The following FAM124A variants were observed in gnomAD, a reference collection of about 807,000 sequenced individuals.
FAM124A encodes family with sequence similarity 124 member A, also known as protein FAM124A.
In FAM124A, 23 loss-of-function variants were observed where a neutral mutation model predicts 24.5. The observed-to-expected ratio is 0.94, with a 90% CI of 0.68 to 1.33. The LOEUF is 1.33. FAM124A is among the 40% of genes most tolerant of loss of function. FAM124A has a pLI of 0.00. For missense variants in FAM124A, 623 were observed against 722.8 expected, an observed-to-expected ratio of 0.86 and a Z score of 1.58; for synonymous variants, 287 against 314.7, an observed-to-expected ratio of 0.91 and a Z score of 0.93.
intron 3 of FAM124A, among the ~76,000 whole-genome samples, chr13:51,279,061 C>T (rs1387544139): frequency 1.3e-5 from 2 of 152,114 alleles, no homozygotes; most frequent in East Asian, 1.9e-4. Flanking sequence ...GCATACTTAT[C>T]AAGAAAGAAA....
At chr13:51,262,993 G>A (rs1954752021) in intron 3 of FAM124A, among the ~76,000 whole-genome samples, 1 of 152,230 alleles carries the variant, frequency 6.6e-6, no homozygotes, top group Non-Finnish European at 1.5e-5. Context: ...GGGCTCCTGG[G>A]CCCACTGTAG....
chr13:51,255,768 A>AGCT (rs1319406090), intron 3 of FAM124A, among the ~76,000 whole-genome samples: 1 of 152,176 alleles, frequency 6.6e-6, no homozygotes, highest in Admixed American at 6.5e-5. Flanking sequence ...AGTTCAGAAA[A>AGCT]GCTGCTGCAC....
chr13:51,234,263 A>G (rs897515478), intron 2 of FAM124A, among the ~76,000 whole-genome samples: 6 of 152,290 alleles, frequency 3.9e-5, no homozygotes, highest in Admixed American at 1.3e-4. Context: ...GGGGTAAGCT[A>G]GCAAGAGCAT....
chr13:51,242,315 A>G (rs572276052), intron 2 of FAM124A, among the ~76,000 whole-genome samples: 3 of 152,334 alleles, frequency 2.0e-5, no homozygotes, highest in East Asian at 1.9e-4. Context: ...GTAGAATGCT[A>G]TAGCCTCTTC....
In FAM124A at chr13:51,258,090, T is replaced by C. The variant is rs1168447385; in HGVS notation, c.834+5889T>C. Among the ~76,000 whole-genome samples, 2 of 152,202 alleles carry C rather than the reference T, an allele frequency of 1.3e-5. No homozygotes were observed. The highest frequency in any genetic ancestry group is 2.9e-5 in the Non-Finnish European group (2 of 68,040). ...CTGGCCTTCTTGGCCTTCCTTGGTG[T>C]GTGGAAGCACCAGCTTGGTCTCTGT... On this transcript the variant is annotated intron_variant, in intron 3 of 3. Coordinates refer to ENST00000322475, the MANE Select transcript of FAM124A (RefSeq NM_001242312.2). The surrounding 1 kb of genome is among the most constrained non-coding windows in gnomAD (Gnocchi z 4.2).
chr13:51,251,598 G>A lies in FAM124A; in HGVS notation c.231G>A (p.Pro77=), dbSNP rs61729359. The part of the protein sequence containing the change: ...NVLAWIHPDL[P]LFRVSERRAS... ...TGGCGTGGATCCACCCCGACCTCCC[G>A]CTGTTCCGGGTGTCCGAGAGGCGGG... Residue 77 remains proline (P), a synonymous_variant, in exon 3 of 4, where the codon CCG becomes CCA. Transcript: ENST00000322475. The surrounding 1 kb of genome is among the most constrained non-coding windows in gnomAD (Gnocchi z 5.3). The A allele has an allele frequency of 2.5e-3, 3,990 of 1,569,220 alleles. 73 individuals are homozygous for A. In the African/African-American group the frequency reaches 0.044, roughly 17 times the overall value.
chr13:51,222,594 G>A, intron 1 of FAM124A, 25 bp downstream of exon 1: 1 of 1,219,900 alleles, frequency 8.2e-7, no homozygotes, highest in Non-Finnish European at 1.0e-6. Flanking sequence ...GCCGGGCCGC[G>A]GGCGGGGGGC....
At chr13:51,222,610 C>G in intron 1 of FAM124A, 41 bp downstream of exon 1, 1 of 1,216,538 alleles carries the variant, frequency 8.2e-7, no homozygotes. Flanking sequence ...GGGGCGCTCT[C>G]CGAGTTGCGC....
intron 1 of FAM124A, 149 bp downstream of exon 1, chr13:51,222,718 G>A: frequency 1.2e-6 from 1 of 840,866 alleles, no homozygotes; most frequent in Non-Finnish European, 1.6e-6. Context: ...CTCCTGGGCG[G>A]GCCGCGCTGC....
intron 2 of FAM124A, among the ~76,000 whole-genome samples, chr13:51,241,887 A>C (rs1376398182): frequency 6.6e-6 from 1 of 152,186 alleles, no homozygotes; most frequent in Non-Finnish European, 1.5e-5. Flanking sequence ...GGCTTTTCTT[A>C]GAAGAGTTGC....
chr13:51,250,989 A>G (rs1026676882), intron 2 of FAM124A, among the ~76,000 whole-genome samples: 1 of 152,226 alleles, frequency 6.6e-6, no homozygotes, highest in Non-Finnish European at 1.5e-5. Flanking sequence ...CAAAATAAAC[A>G]AATGAAATAA....
In FAM124A at chr13:51,246,412, G is replaced by T. The variant is rs369992558; in HGVS notation, c.101-5056G>T. On this transcript the variant is annotated intron_variant, in intron 2 of 3. Transcript: ENST00000322475. ...GCATGTTTCTCGTGGGGTGGGGGGG[G>T]GTGTAACTCTAACACCTGATGACAG... 1.3e-4 allele frequency among the ~76,000 whole-genome samples: 17 copies of T among 135,056 alleles called. 1 individual carries two copies. The highest frequency in any genetic ancestry group is 6.5e-4 in the East Asian group (3 of 4,618). 88.6% of individuals were successfully genotyped at this position (135,056 alleles called of 152,430 possible).
chr13:51,230,788 T>C (rs989956322), intron 1 of FAM124A, among the ~76,000 whole-genome samples: 2 of 152,234 alleles, frequency 1.3e-5, no homozygotes, highest in Non-Finnish European at 2.9e-5. Context: ...GTTACTCTAA[T>C]ATCCAGCAGG....
intron 3 of FAM124A, among the ~76,000 whole-genome samples, chr13:51,279,747 A>T (rs557001377): frequency 6.6e-6 from 1 of 152,330 alleles, no homozygotes; most frequent in East Asian, 1.9e-4. Context: ...GATCCGCAGG[A>T]TCAGTCAGCA....
intron 2 of FAM124A, among the ~76,000 whole-genome samples, chr13:51,241,612 C>T (rs574038446): frequency 6.6e-6 from 1 of 152,220 alleles, no homozygotes; most frequent in South Asian, 2.1e-4. Context: ...TAGTCATGTC[C>T]AGTAAGTTTG....
chr13:51,235,483 G>T (rs1447730481), intron 2 of FAM124A, among the ~76,000 whole-genome samples: 1 of 152,162 alleles, frequency 6.6e-6, no homozygotes, highest in Non-Finnish European at 1.5e-5. Context: ...CATACTTAGA[G>T]AATTACTCTT....
At chr13:51,252,325 C>T in intron 3 of FAM124A, 124 bp downstream of exon 3, 1 of 1,350,506 alleles carries the variant, frequency 7.4e-7, no homozygotes, top group Non-Finnish European at 9.8e-7. Flanking sequence ...ACCCTCTGCC[C>T]AGCTCCTAGT....
rs752854607 is a variant in FAM124A, at chr13:51,258,916, G to C, written c.834+6715G>C. ...AAGAACCTATGCCTGAGCAGAGCTG[G>C]GGCAGATGCTGTTCCGGGGGCACTG... is the stretch of plus-strand genomic sequence containing the variant. On this transcript the variant is annotated intron_variant, in intron 3 of 3. Coordinates refer to ENST00000322475, the MANE Select transcript of FAM124A (RefSeq NM_001242312.2). The surrounding 1 kb of genome is among the most constrained non-coding windows in gnomAD (Gnocchi z 4.2). Among the ~76,000 whole-genome samples, 1 of 152,200 alleles carries C rather than the reference G, an allele frequency of 6.6e-6. No individual in the cohort carries two copies. Among genetic ancestry groups the C allele is most frequent in the Non-Finnish European group, 1.5e-5 (1 of 68,030 alleles).
Position 51,225,976 on chromosome 13 carries a change from CTTTTTTTTTTTTTTTTTTTTTTT to C in FAM124A, c.68+3420_68+3442del, listed in dbSNP as rs780570797. On this transcript the variant is annotated intron_variant, in intron 1 of 3. Coordinates refer to ENST00000322475, the MANE Select transcript of FAM124A (RefSeq NM_001242312.2). ...ATCTGTAATGTTGCTTGCTTGCTTT[CTTTTTTTTTTTTTTTTTTTTTTT>C]TTTTTTTTTTTTAACAGACAGGTCT... Among the ~76,000 whole-genome samples the C allele has an allele frequency of 2.2e-4, 15 of 67,580 alleles. No individual in the cohort carries two copies. The South Asian group carries it at 8.1e-3, about 37-fold the overall frequency. 44.3% of individuals were successfully genotyped at this position (67,580 alleles called of 152,430 possible).
Sources: gnomAD v4.1 joint callset for allele counts (sites outside exome capture counted in the v4.1 genomes callset) on GRCh38, gnomAD v4.1.1 for gene constraint, Gnocchi (gnomAD v3.1) non-coding constraint, MANE v1.5 for transcripts, NCBI Gene and HGNC (gene_info 2026-07-23, HGNC 2026-07-21) for gene names.